Variants in CSRNP3 observed in about 807,000 individuals in gnomAD.
The protein encoded by CSRNP3 is cysteine/serine-rich nuclear protein 3.
In CSRNP3, 12 loss-of-function variants were observed where a neutral mutation model predicts 48.0. That is an observed-to-expected ratio of 0.25 (90% CI 0.16 to 0.41). The LOEUF (loss-of-function observed/expected upper bound fraction) is 0.41, where lower values mean the gene tolerates loss of function less well. Ranked by LOEUF, CSRNP3 falls within the 10% of genes least tolerant of loss-of-function variation. The pLI, the probability that CSRNP3 is intolerant of heterozygous loss-of-function variation, is 1.00. For missense variants in CSRNP3, 580 were observed against 724.4 expected (o/e 0.80, Z 2.29); for synonymous variants, 263 against 269.7 (o/e 0.98, Z 0.24).
intron 4 of CSRNP3, among the ~76,000 whole-genome samples, chr2:165,647,597 G>A (rs965084897): frequency 6.6e-6 from 1 of 152,178 alleles, no homozygotes; most frequent in Non-Finnish European, 1.5e-5. Flanking sequence ...GGTGATAGCT[G>A]AGTACAGATA....
intron 4 of CSRNP3, among the ~76,000 whole-genome samples, chr2:165,627,539 A>G (rs1429109865): frequency 6.6e-6 from 1 of 152,104 alleles, no homozygotes; most frequent in Non-Finnish European, 1.5e-5. Flanking sequence ...TGCCTCTTTA[A>G]AAGAACGCAC....
At chr2:165,520,804 TATATA>T (rs1411054618) in intron 3 of CSRNP3, among the ~76,000 whole-genome samples, 1 of 60,066 alleles carries the variant, frequency 1.7e-5, no homozygotes, top group African/African-American at 7.3e-5. Context: ...TATATATATA[TATATA>T]TATATATATA....
chr2:165,629,581 C>G (rs1222729761), intron 4 of CSRNP3, among the ~76,000 whole-genome samples: 1 of 152,068 alleles, frequency 6.6e-6, no homozygotes, highest in Admixed American at 6.6e-5. Flanking sequence ...GCGACTTGTC[C>G]CAGGTCATTT....
chr2:165,654,712 C>T (rs983988879), intron 4 of CSRNP3, among the ~76,000 whole-genome samples: 27 of 152,166 alleles, frequency 1.8e-4, no homozygotes, highest in Non-Finnish European at 3.7e-4. Context: ...TCACTGCAAC[C>T]TCCACCTCTC....
chr2:165,677,088 A>G (rs1687438580), intron 6 of CSRNP3, among the ~76,000 whole-genome samples: 2 of 152,216 alleles, frequency 1.3e-5, no homozygotes, highest in Admixed American at 1.3e-4. Context: ...TTTGCCAACT[A>G]TATGAAATTG....
At chr2:165,673,131 C>CT (rs3032370) in intron 5 of CSRNP3, among the ~76,000 whole-genome samples, 5,969 of 66,796 alleles carry the variant, frequency 0.089, 1,124 homozygotes, top group African/African-American at 0.27. Context: ...GTATGTAGCT[C>CT]TTTTTTTTTT....
rs541966740 is a variant in CSRNP3 at position 165,489,229 on chromosome 2, C to T, written c.-282-5530C>T. 2.0e-5 allele frequency among the ~76,000 whole-genome samples: 3 copies of T among 151,706 alleles called. No individual in the cohort carries two copies. In the South Asian group the frequency reaches 6.2e-4, roughly 32 times the overall value. On this transcript the variant is annotated intron_variant, in intron 1 of 6. Transcript: ENST00000651982. ...GAATACATTCCTCAACACATACACCCTCCCAAGACTAAACCAGGAAGAAGT... is the reference window on the plus strand; with the variant it reads ...GAATACATTCCTCAACACATACACCTTCCCAAGACTAAACCAGGAAGAAGT...
At chr2:165,544,642 C>G (rs1685000399) in intron 3 of CSRNP3, among the ~76,000 whole-genome samples, 1 of 152,094 alleles carries the variant, frequency 6.6e-6, no homozygotes, top group South Asian at 2.1e-4. Context: ...ACAGGATTTG[C>G]TGATAGCTTG....
chr2:165,565,111 ATGCAAATCATGCTAT>A (rs1685280691), intron 3 of CSRNP3, among the ~76,000 whole-genome samples: 1 of 152,096 alleles, frequency 6.6e-6, no homozygotes, highest in African/African-American at 2.4e-5. Context: ...AGAGGCAAAG[ATGCAAATCATGCTAT>A]GGCCTACAAA....
intron 3 of CSRNP3, among the ~76,000 whole-genome samples, chr2:165,557,447 G>T (rs1685174422): frequency 6.6e-6 from 1 of 152,260 alleles, no homozygotes; most frequent in Middle Eastern, 3.4e-3. Flanking sequence ...GGGAGAGGGA[G>T]TTGAGAGAGG....
chr2:165,509,399 G>A (rs1293603141), intron 2 of CSRNP3, among the ~76,000 whole-genome samples: 1 of 152,134 alleles, frequency 6.6e-6, no homozygotes. Flanking sequence ...ACACTTGTGT[G>A]AAGACTGGAT....
In CSRNP3 at chr2:165,558,542, A is replaced by G. The variant is rs191036843; in HGVS notation, c.-23-36501A>G. On this transcript the variant is annotated intron_variant, in intron 3 of 6. Coordinates refer to ENST00000651982, the MANE Select transcript of CSRNP3 (RefSeq NM_001172173.2). ...AAAACCATTTGTAGAAAAGAAATCC[A>G]TCATTCCACTGTTAAACAAGGGGAA... Among the ~76,000 whole-genome samples, 869 of 152,308 alleles carry G rather than the reference A, an allele frequency of 5.7e-3. 7 individuals carry two copies. Among genetic ancestry groups the G allele is most frequent in the African/African-American group, 0.02 (825 of 41,554 alleles).
intron 3 of CSRNP3, among the ~76,000 whole-genome samples, chr2:165,593,207 G>C (rs1411761921): frequency 1.3e-5 from 2 of 152,152 alleles, no homozygotes; most frequent in African/African-American, 4.8e-5. Flanking sequence ...CACCAGGAAA[G>C]GTCAAAGAAG....
intron 4 of CSRNP3, among the ~76,000 whole-genome samples, chr2:165,624,528 C>A (rs752219020): frequency 1.1e-4 from 16 of 152,152 alleles, no homozygotes; most frequent in Non-Finnish European, 2.2e-4. Flanking sequence ...ACCCTGGTAC[C>A]TACACAGTCC....
chr2:165,560,822 G>A (rs558645034), intron 3 of CSRNP3, among the ~76,000 whole-genome samples: 4 of 152,254 alleles, frequency 2.6e-5, no homozygotes, highest in South Asian at 2.1e-4. Flanking sequence ...GACTTTTTCC[G>A]TTTATGTACT....
intron 4 of CSRNP3, among the ~76,000 whole-genome samples, chr2:165,626,017 G>A (rs1222450460): frequency 6.6e-6 from 1 of 151,896 alleles, no homozygotes. Context: ...GAGGTCAGGA[G>A]TTTGAGACCA....
chr2:165,595,265 T>A, intron 4 of CSRNP3, 52 bp downstream of exon 4: 1 of 1,476,016 alleles, frequency 6.8e-7, no homozygotes, highest in Non-Finnish European at 9.3e-7. Context: ...ACAGCAAAAC[T>A]AATTGTGTCA....
chr2:165,633,207 T>C lies in CSRNP3; in HGVS notation c.149-24554T>C, dbSNP rs1011421859. The stretch of plus-strand genomic sequence containing the variant: ...TATTCCAAAGGACTTAATAATGTAA[T>C]GTTATTGCTAAAAGGAAGGCAGCCA... On this transcript the variant is annotated intron_variant, in intron 4 of 6. Transcript: ENST00000651982. 3.3e-5 allele frequency among the ~76,000 whole-genome samples: 5 copies of C among 152,188 alleles called. No homozygotes were observed. In the East Asian group the frequency reaches 7.7e-4, roughly 23 times the overall value.
chr2:165,657,160 T>C (rs1322320402), intron 4 of CSRNP3, among the ~76,000 whole-genome samples: 3 of 152,230 alleles, frequency 2.0e-5, no homozygotes. Flanking sequence ...GGCCCATTAG[T>C]TACATAGTAG....
Sources: allele counts gnomAD v4.1 joint callset (sites outside exome capture counted in the v4.1 genomes callset), GRCh38; gene constraint gnomAD v4.1.1; transcripts MANE v1.5; gene names NCBI Gene and HGNC (gene_info 2026-07-23, HGNC 2026-07-21).